The following ZFYVE19 variants were observed in gnomAD, a reference collection of about 807,000 sequenced individuals.
ZFYVE19 encodes abscission/NoCut checkpoint regulator.
A neutral mutation model predicts 62.8 loss-of-function variants in ZFYVE19; 49 were observed. The ratio of observed to expected loss-of-function variants is 0.78; its 90% CI spans 0.62 to 0.99. ZFYVE19 has a LOEUF of 0.99. ZFYVE19 is among the 50% of genes least tolerant of loss of function. The pLI is 0.00. For missense variants in ZFYVE19, 630 were observed against 601.9 expected (o/e 1.05, Z -0.49); for synonymous variants, 242 against 234.3 (o/e 1.03, Z -0.30).
At chr15:40,809,732 G>A (rs1240064503) in intron 3 of ZFYVE19, 120 bp from the exon 4 acceptor site, 3 of 1,110,712 alleles carry the variant, frequency 2.7e-6, no homozygotes, top group Non-Finnish European at 4.0e-6. Flanking sequence ...ACAGCAGATT[G>A]CCCATTGGAG....
intron 6 of ZFYVE19, chr15:40,811,036 AAAATG>A (rs997444552): frequency 1.3e-5 from 5 of 380,952 alleles, no homozygotes; most frequent in Non-Finnish European, 2.5e-5. Flanking sequence ...CCTCATGTGT[AAAATG>A]AAGGTATGTA....
Position 40,807,143 on chromosome 15 carries a change from A to G in ZFYVE19, c.-447A>G. 3.5e-6 allele frequency: 4 copies of G among 1,129,334 alleles called. No homozygotes were observed. The highest frequency in any genetic ancestry group is 4.9e-6 in the Non-Finnish European group (4 of 817,812). 70.0% of individuals were successfully genotyped at this position (1,129,334 alleles called of 1,614,324 possible). On this transcript the variant is annotated 5_prime_UTR_variant, in exon 1 of 11. Coordinates refer to ENST00000355341, the MANE Select transcript of ZFYVE19 (RefSeq NM_001077268.2). Reference sequence around the variant, plus strand: ...AGGAGACAGGGGCCACGGGGAGAGCACAGCCACCCGGCGCGAAGAGCCCTC... The same window carrying G: ...AGGAGACAGGGGCCACGGGGAGAGCGCAGCCACCCGGCGCGAAGAGCCCTC...
intron 1 of ZFYVE19, 149 bp from the exon 2 acceptor site, chr15:40,808,970 C>T: frequency 1.0e-6 from 1 of 973,852 alleles, no homozygotes; most frequent in South Asian, 1.5e-5. Context: ...TACTCACCAT[C>T]CCTAGGCCTT....
chr15:40,812,908 G>T lies in ZFYVE19; in HGVS notation c.1030+6G>T. ...GGGACAGGACCCCGAGAGAGGTGAA[G>T]GCTGGGGAGCAGCTGCTCACTGGTA... On this transcript the variant is annotated splice_donor_region_variant and intron_variant, in intron 7 of 10. Transcript: ENST00000355341. 1.9e-6 allele frequency: 3 copies of T among 1,608,780 alleles called. No homozygotes were observed. In the South Asian group the frequency reaches 3.3e-5, roughly 18 times the overall value.
rs774239176 is a variant in ZFYVE19, at chr15:40,807,453, G to A, written c.-137G>A. 10 of 1,614,098 alleles carry A rather than the reference G, an allele frequency of 6.2e-6. No homozygotes were observed. In the East Asian group the frequency reaches 1.6e-4, roughly 25 times the overall value. ...GCTCCTTGGTCACTGCCATGGTTCC[G>A]GCCTGACGGATTCGTACTACAACTC... On this transcript the variant is annotated 5_prime_UTR_variant, in exon 1 of 11. Transcript: ENST00000355341.
rs770696088 is a variant in ZFYVE19 at position 40,812,826 on chromosome 15, G to A, written c.954G>A (p.Glu318=). Residue 318 remains glutamate (E), a synonymous_variant, in exon 7 of 11, where the codon GAG becomes GAA. Transcript: ENST00000355341. ...LLAEAALELR[E]ENTRQERILA... is the part of the protein sequence containing the mutation. ...CTGAGGCAGCACTTGAGTTGCGGGAGGAGAACACGAGGCAGGAACGGATTC... is the reference window on the plus strand; with the variant it reads ...CTGAGGCAGCACTTGAGTTGCGGGAAGAGAACACGAGGCAGGAACGGATTC... 6.2e-7 allele frequency: 1 copy of A among 1,613,444 alleles called. No individual in the cohort carries two copies. Among genetic ancestry groups the A allele is most frequent in the South Asian group, 1.1e-5 (1 of 91,074 alleles).
Position 40,809,432 on chromosome 15 carries a change from G to C in ZFYVE19, c.426G>C (p.Lys142Asn), listed in dbSNP as rs1438329006. The part of the protein sequence containing the change: ...LTRGSSANAS[K>N]WSPPQNYKKR... ...GAGGGTCTTCTGCCAATGCCTCCAA[G>C]TGGTCACCACCTCAGAACTATAAGA... Residue 142 changes from lysine (K) to asparagine (N), a missense_variant, in exon 3 of 11, where the codon AAG becomes AAC. Transcript: ENST00000355341. 1 of 1,614,194 alleles carries C rather than the reference G, an allele frequency of 6.2e-7. No individual in the cohort carries two copies. Among genetic ancestry groups the C allele is most frequent in the Non-Finnish European group, 8.5e-7 (1 of 1,180,026 alleles).
intron 6 of ZFYVE19, chr15:40,811,014 AAGTCTC>A: frequency 2.3e-6 from 1 of 428,542 alleles, no homozygotes; most frequent in Non-Finnish European, 4.3e-6. Flanking sequence ...TACTTGACCT[AAGTCTC>A]ACTTTCCTCA....
At position 40,809,569 on chromosome 15, in the gene ZFYVE19, TCTCTC is replaced by T. The variant is rs372572969; in HGVS notation, c.452+117_452+121del. On this transcript the variant is annotated intron_variant, in intron 3 of 10. Transcript: ENST00000355341. ...AAAATGAGCACAGAATCAGGAGAATTCTCTCCTCTCTGGCTCCTGACTGCCCTCTT... is the reference window on the plus strand; with the variant it reads ...AAAATGAGCACAGAATCAGGAGAATTCTCTCTGGCTCCTGACTGCCCTCTT... 398 of 1,350,076 alleles carry T rather than the reference TCTCTC, an allele frequency of 2.9e-4. No homozygotes were observed. The East Asian group carries it at 8.4e-3, about 28-fold the overall frequency. 83.6% of individuals were successfully genotyped at this position (1,350,076 alleles called of 1,614,324 possible). A position where few individuals can be genotyped will look rare whatever the true frequency, so the allele number is the denominator to read the frequency against.
Position 40,809,839 on chromosome 15 carries a change from CAT to C in ZFYVE19, c.453-10_453-9del. On this transcript the variant is annotated splice_polypyrimidine_tract_variant and intron_variant, in intron 3 of 10. Coordinates refer to ENST00000355341, the MANE Select transcript of ZFYVE19 (RefSeq NM_001077268.2). ...CTGCCTTCTTCAAGAGCCTCTATCT[CAT>C]ATCCTGCCAGGCGTGTGGCAGCCTT... The C allele has an allele frequency of 1.9e-6, 3 of 1,613,646 alleles. No individual in the cohort carries two copies. The highest frequency in any genetic ancestry group is 2.5e-6 in the Non-Finnish European group (3 of 1,179,544).
Position 40,814,295 on chromosome 15 carries a change from G to T in ZFYVE19, c.*69G>T, listed in dbSNP as rs1890603666. The T allele has an allele frequency of 2.6e-6, 4 of 1,564,246 alleles. No individual in the cohort carries two copies. Among genetic ancestry groups the T allele is most frequent in the Non-Finnish European group, 3.5e-6 (4 of 1,146,010 alleles). On this transcript the variant is annotated 3_prime_UTR_variant, in exon 11 of 11. Coordinates refer to ENST00000355341, the MANE Select transcript of ZFYVE19 (RefSeq NM_001077268.2). The stretch of plus-strand genomic sequence containing the variant: ...CACCCATTTCTGGGCCCAGCCACAG[G>T]ACGTCCGATGGGAGAGCTTGTCTGG...
intron 6 of ZFYVE19, 99 bp downstream of exon 6, chr15:40,810,856 A>C (rs1032855916): frequency 4.5e-5 from 65 of 1,441,028 alleles, no homozygotes; most frequent in Non-Finnish European, 6.0e-5. Flanking sequence ...TATAAATCGG[A>C]GAGTGATCAA....
intron 3 of ZFYVE19, 80 bp downstream of exon 3, chr15:40,809,538 C>T: frequency 6.6e-7 from 1 of 1,525,204 alleles, no homozygotes; most frequent in African/African-American, 1.4e-5. Flanking sequence ...CCCCCATCTT[C>T]TAGATAAAAT....
In ZFYVE19 at chr15:40,814,316, T is replaced by G. The variant is rs748047651; in HGVS notation, c.*90T>G. The G allele has an allele frequency of 6.9e-7, 1 of 1,447,180 alleles. No homozygotes were observed. Among genetic ancestry groups the G allele is most frequent in the Non-Finnish European group, 9.5e-7 (1 of 1,052,050 alleles). The allele number at this position is 1,447,180 out of a possible 1,614,324, so 89.6% of individuals were successfully genotyped here. Reference sequence around the variant, plus strand: ...ACAGGACGTCCGATGGGAGAGCTTGTCTGGCTCTACTGATGATGGATAGGC... The same window carrying G: ...ACAGGACGTCCGATGGGAGAGCTTGGCTGGCTCTACTGATGATGGATAGGC... On this transcript the variant is annotated 3_prime_UTR_variant, in exon 11 of 11. Transcript: ENST00000355341.
rs568372371 is a variant in ZFYVE19, at chr15:40,813,757, C to A, written c.1155C>A (p.Ile385=). 6.2e-7 allele frequency: 1 copy of A among 1,614,114 alleles called. No individual in the cohort carries two copies. The highest frequency in any genetic ancestry group is 1.7e-5 in the Admixed American group (1 of 60,000). ...ASLDEASGFN[I]PAEQASRPWT... is the part of the protein sequence containing the mutation. ...TGGATGAGGCAAGTGGCTTTAACAT[C>A]CCTGCAGAGCAGGCTTCTCGACCCT... The change falls in exon 9 of 11, where the codon ATC becomes ATA. Residue 385 remains isoleucine (I), a synonymous_variant. Transcript: ENST00000355341.
At position 40,809,079 on chromosome 15, in the gene ZFYVE19, G is replaced by T. The variant is rs1448206547; in HGVS notation, c.280-40G>T. The T allele has an allele frequency of 1.9e-6, 3 of 1,608,220 alleles. No individual in the cohort carries two copies. The Admixed American group carries it at 5.0e-5, about 27-fold the overall frequency. On this transcript the variant is annotated intron_variant, in intron 1 of 10. Coordinates refer to ENST00000355341, the MANE Select transcript of ZFYVE19 (RefSeq NM_001077268.2). ...GAGTCCCTGGGAGCAGCCTGCAGGG[G>T]CGGGTGAGAGGGGGATCTCCCGCTT...
intron 2 of ZFYVE19, 75 bp from the exon 3 acceptor site, chr15:40,809,333 C>A: frequency 6.2e-7 from 1 of 1,613,436 alleles, no homozygotes; most frequent in South Asian, 1.1e-5. Flanking sequence ...GAGAGTCAGC[C>A]GAGGAAGTGT....
chr15:40,808,200 T>G, intron 1 of ZFYVE19: 3 of 1,572,942 alleles, frequency 1.9e-6, no homozygotes, highest in Middle Eastern at 3.5e-4. Context: ...AAGCGCGGTG[T>G]CCATCACACC....
Position 40,809,165 on chromosome 15 carries a change from G to A in ZFYVE19, c.326G>A (p.Ser109Asn), listed in dbSNP as rs774704920. 16 of 1,614,052 alleles carry A rather than the reference G, an allele frequency of 9.9e-6. No individual in the cohort carries two copies. In the African/African-American group the frequency reaches 2.1e-4, roughly 22 times the overall value. The change falls in exon 2 of 11, where the codon AGC (serine) becomes AAC (asparagine). Residue 109 changes from serine (S) to asparagine (N), a missense_variant. By Grantham distance (46) the Ser-to-Asn change is conservative. Transcript: ENST00000355341. ...AGGGCCTTCTGTTCAGGCTGCCTAA[G>A]CTTCAGTGCAGCAGTGCCTCGGACT... ...CGRAFCSGCL[S>N]FSAAVPRTGN...
Sources: allele counts gnomAD v4.1 joint callset, GRCh38; gene constraint gnomAD v4.1.1; transcripts MANE v1.5; gene names NCBI Gene and HGNC (gene_info 2026-07-23, HGNC 2026-07-21).